Variants in DSCAM observed in about 807,000 individuals in gnomAD.
DSCAM encodes cell adhesion molecule DSCAM.
A neutral mutation model predicts 217.7 loss-of-function variants in DSCAM; 47 were observed. The observed-to-expected ratio is 0.22, with a 90% CI of 0.17 to 0.28. DSCAM has a LOEUF of 0.28. Ranked by LOEUF, DSCAM falls within the 10% of genes least tolerant of loss-of-function variation. The pLI, the probability that DSCAM is intolerant of heterozygous loss-of-function variation, is 1.00. For missense variants in DSCAM, 2,080 were observed against 2,618.3 expected, an observed-to-expected ratio of 0.79 and a Z score of 4.49; for synonymous variants, 1,056 against 1,015.3, an observed-to-expected ratio of 1.04 and a Z score of -0.76.
At chr21:40,474,905 A>C (rs543855869) in intron 3 of DSCAM, among the ~76,000 whole-genome samples, 1 of 152,110 alleles carries the variant, frequency 6.6e-6, no homozygotes, top group East Asian at 1.9e-4. Flanking sequence ...CAGTGCAGGC[A>C]GACCCACACC....
At chr21:40,317,233 C>A (rs2074207233) in intron 8 of DSCAM, among the ~76,000 whole-genome samples, 1 of 152,214 alleles carries the variant, frequency 6.6e-6, no homozygotes, top group African/African-American at 2.4e-5. Flanking sequence ...GTCTGGTTAT[C>A]TGGTCAATTC....
chr21:40,498,713 GTGTATATATATATGGGTGTGTGTATATA>G (rs2076144451), intron 3 of DSCAM, among the ~76,000 whole-genome samples: 1 of 2,938 alleles, frequency 3.4e-4, no homozygotes, highest in African/African-American at 1.4e-3. Flanking sequence ...ATATATATGG[GTGTATATATATATGGGTGTGTGTATATA>G]TATATATATA....
intron 1 of DSCAM, among the ~76,000 whole-genome samples, chr21:40,816,022 G>A (rs757157245): frequency 7.2e-5 from 11 of 152,162 alleles, no homozygotes; most frequent in African/African-American, 1.2e-4. Context: ...AGTCAGAGAG[G>A]CAACCACAGG....
intron 3 of DSCAM, among the ~76,000 whole-genome samples, chr21:40,453,040 TTGTG>T (rs3069917): frequency 0.023 from 3,071 of 134,346 alleles, 45 homozygotes; most frequent in African/African-American, 0.039. Flanking sequence ...TTTAAAGACT[TTGTG>T]TGTGTGTGTG....
chr21:40,390,308 G>A (rs770431543), intron 3 of DSCAM, among the ~76,000 whole-genome samples: 1 of 152,202 alleles, frequency 6.6e-6, no homozygotes, highest in African/African-American at 2.4e-5. Flanking sequence ...CTGTTAGACA[G>A]CAACCATTTT....
At chr21:40,346,424 T>C (rs1168748834) in intron 6 of DSCAM, among the ~76,000 whole-genome samples, 2 of 152,242 alleles carry the variant, frequency 1.3e-5, no homozygotes, top group African/African-American at 4.8e-5. Flanking sequence ...TCAAGATATA[T>C]TTAAACTTAC....
At chr21:40,295,225 C>G (rs2073941225) in intron 10 of DSCAM, among the ~76,000 whole-genome samples, 1 of 151,848 alleles carries the variant, frequency 6.6e-6, no homozygotes, top group Non-Finnish European at 1.5e-5. Flanking sequence ...TTGATCTCAC[C>G]AGTACATATC....
intron 1 of DSCAM, among the ~76,000 whole-genome samples, chr21:40,731,728 A>ACCCC (rs148482159): frequency 0.01 from 824 of 79,732 alleles, 7 homozygotes; most frequent in Non-Finnish European, 0.013. Context: ...TTCCCACTGC[A>ACCCC]CCCCCCCCCC....
chr21:40,398,433 A>G (rs182868455), intron 3 of DSCAM, among the ~76,000 whole-genome samples: 10 of 152,156 alleles, frequency 6.6e-5, no homozygotes, highest in Admixed American at 1.3e-4. Flanking sequence ...AATACCCCCA[A>G]TTCCCTATCC....
intron 11 of DSCAM, among the ~76,000 whole-genome samples, chr21:40,238,011 G>C (rs1012921751): frequency 6.6e-6 from 1 of 152,198 alleles, no homozygotes; most frequent in Non-Finnish European, 1.5e-5. Context: ...ATCCTGGGGA[G>C]GGGGTGTATA....
At chr21:40,540,846 T>C (rs1202435242) in intron 3 of DSCAM, among the ~76,000 whole-genome samples, 1 of 152,126 alleles carries the variant, frequency 6.6e-6, no homozygotes, top group Admixed American at 6.5e-5. Flanking sequence ...AGAGAAAATA[T>C]TTTATTAAAA....
At chr21:40,485,305 C>T (rs901737472) in intron 3 of DSCAM, among the ~76,000 whole-genome samples, 32 of 146,662 alleles carry the variant, frequency 2.2e-4, no homozygotes, top group Non-Finnish European at 4.0e-4. Context: ...TGCAGTGGCG[C>T]GATCTCGGCT....
intron 9 of DSCAM, among the ~76,000 whole-genome samples, chr21:40,306,300 G>A (rs1409580255): frequency 1.4e-5 from 2 of 145,406 alleles, no homozygotes; most frequent in African/African-American, 5.3e-5. Flanking sequence ...TTTGTATCCT[G>A]AGACTTTGCT....
chr21:40,719,276 C>T (rs1007416140), intron 1 of DSCAM, among the ~76,000 whole-genome samples: 6 of 152,128 alleles, frequency 3.9e-5, no homozygotes, highest in African/African-American at 1.2e-4. Flanking sequence ...TACACATCCA[C>T]CAAAATAACT....
intron 3 of DSCAM, among the ~76,000 whole-genome samples, chr21:40,374,313 G>T (rs1466519284): frequency 6.6e-6 from 1 of 152,204 alleles, no homozygotes; most frequent in African/African-American, 2.4e-5. Context: ...TGTAGCCTTT[G>T]TGAGCCAGAC....
At position 40,606,412 on chromosome 21, in the gene DSCAM, C is replaced by T. The variant is rs750945170; in HGVS notation, c.508+86398G>A. Among the ~76,000 whole-genome samples, 5 of 152,308 alleles carry T rather than the reference C, an allele frequency of 3.3e-5. 1 individual carries two copies. In the South Asian group the frequency reaches 8.3e-4, roughly 25 times the overall value. ...AGCTGGAAATCCAGATTTTATGTTA[C>T]CTTTAAAATGTTTAGTGTTGGCAAC... is the stretch of plus-strand genomic sequence containing the variant. On this transcript the variant is annotated intron_variant, in intron 3 of 32. Transcript: ENST00000400454.
chr21:40,830,126 G>A (rs1183798631), intron 1 of DSCAM, among the ~76,000 whole-genome samples: 1 of 152,168 alleles, frequency 6.6e-6, no homozygotes, highest in East Asian at 1.9e-4. Flanking sequence ...GGTTTCATTG[G>A]CTCACAGTTC....
chr21:40,182,672 GGGGGGGTT>G (rs2090832147), intron 14 of DSCAM, among the ~76,000 whole-genome samples: 4 of 105,478 alleles, frequency 3.8e-5, no homozygotes, highest in Non-Finnish European at 3.7e-5. Flanking sequence ...CCGTGGACAG[GGGGGGGTT>G]ACCAGAGAAA....
chr21:40,642,335 G>C (rs2146343368), intron 3 of DSCAM, among the ~76,000 whole-genome samples: 1 of 152,232 alleles, frequency 6.6e-6, no homozygotes, highest in South Asian at 2.1e-4. Context: ...CTGGAACAGA[G>C]GCACGATAAG....
Sources: gnomAD v4.1 joint callset for allele counts (sites outside exome capture counted in the v4.1 genomes callset) on GRCh38, gnomAD v4.1.1 for gene constraint, MANE v1.5 for transcripts, NCBI Gene and HGNC (gene_info 2026-07-23, HGNC 2026-07-21) for gene names.